Variants in ERMP1 observed in about 807,000 individuals in gnomAD.
ERMP1 encodes the protein endoplasmic reticulum metallopeptidase 1.
Under a neutral mutation model 92.0 loss-of-function variants are expected in ERMP1, and 86 were observed. The observed-to-expected ratio is 0.93, with a 90% CI of 0.79 to 1.12. The LOEUF is 1.12. ERMP1 is among the 50% of genes most tolerant of loss of function. The probability of loss-of-function intolerance (pLI) is 0.00; values close to 1 mark genes in which losing one functional copy is unlikely to be tolerated. For synonymous variants in ERMP1, 530 were observed against 412.8 expected, an observed-to-expected ratio of 1.28 and a Z score of -3.44; for missense variants, 1,342 against 1,116.3, an observed-to-expected ratio of 1.20 and a Z score of -2.88.
intron 13 of ERMP1, among the ~76,000 whole-genome samples, chr9:5,789,405 T>A (rs1332034419): frequency 6.6e-6 from 1 of 152,232 alleles, no homozygotes; most frequent in African/African-American, 2.4e-5. Context: ...AAAGATTTTA[T>A]GTCCACCAAC....
At chr9:5,853,342 C>T (rs765271003) in intron 6 of ERMP1, among the ~76,000 whole-genome samples, 77 of 152,182 alleles carry the variant, frequency 5.1e-4, no homozygotes, top group Non-Finnish European at 4.9e-4. Flanking sequence ...TAATCATATG[C>T]CAAGGTGGCA....
At chr9:5,829,045 A>G (rs920187955) in intron 2 of ERMP1, among the ~76,000 whole-genome samples, 11 of 152,076 alleles carry the variant, frequency 7.2e-5, no homozygotes, top group African/African-American at 2.7e-4. Context: ...GGAGTTCAAG[A>G]CCAGCCTGGC....
chr9:5,822,543 A>G (rs964825218), intron 4 of ERMP1, among the ~76,000 whole-genome samples: 11 of 152,340 alleles, frequency 7.2e-5, no homozygotes, highest in Admixed American at 2.6e-4. Context: ...TACTTAGCAT[A>G]GTTTCATAAT....
intron 13 of ERMP1, among the ~76,000 whole-genome samples, chr9:5,796,335 G>C (rs1209514532): frequency 6.6e-6 from 1 of 152,190 alleles, no homozygotes; most frequent in Non-Finnish European, 1.5e-5. Flanking sequence ...GTTGTGGTAT[G>C]GGCAAAAGAA....
intron 13 of ERMP1, among the ~76,000 whole-genome samples, chr9:5,793,415 T>C (rs943611757): frequency 1.3e-5 from 2 of 151,728 alleles, no homozygotes; most frequent in East Asian, 1.9e-4. Flanking sequence ...AAATAGAAAA[T>C]AGTTAACTAA....
At position 5,811,178 on chromosome 9, in the gene ERMP1, T is replaced by C; in HGVS notation, c.1260A>G (p.Ile420Met). ...IAYPSRIGSIINYMVVMGVVL... is the reference protein window; with the variant it reads ...IAYPSRIGSIMNYMVVMGVVL... ...CAACACCCATTACCACCATGTAGTTTATGATTGAGCCAATACGAGAGGGGT... is the reference window on the plus strand; with the variant it reads ...CAACACCCATTACCACCATGTAGTTCATGATTGAGCCAATACGAGAGGGGT... The change falls in exon 7 of 15, where the codon ATA becomes ATG. Residue 420 changes from isoleucine to methionine, a missense_variant. Ile to Met is a conservative substitution (Grantham distance 10, BLOSUM62 1). Coordinates refer to ENST00000339450, the MANE Select transcript of ERMP1 (RefSeq NM_024896.3). The C allele has an allele frequency of 6.2e-7, 1 of 1,614,044 alleles. No individual in the cohort carries two copies.
intron 3 of ERMP1, 125 bp downstream of exon 3, chr9:5,824,967 C>T: frequency 1.1e-6 from 1 of 874,658 alleles, no homozygotes; most frequent in Non-Finnish European, 1.8e-6. Flanking sequence ...TATTTTTCTG[C>T]ATATTATTTT....
chr9:5,832,593 T>C, intron 1 of ERMP1, 97 bp downstream of exon 1: 3 of 998,106 alleles, frequency 3.0e-6, no homozygotes, highest in Non-Finnish European at 4.1e-6. Flanking sequence ...GTCCCAGCGG[T>C]CCGGCAGGGG....
At chr9:5,860,275 G>A (rs1358779932) in intron 5 of ERMP1, among the ~76,000 whole-genome samples, 1 of 150,628 alleles carries the variant, frequency 6.6e-6, no homozygotes, top group Non-Finnish European at 1.5e-5. Context: ...ACTGTCTGCA[G>A]CCAGACCCTG....
At chr9:5,844,814 T>C (rs548198515) in intron 6 of ERMP1, among the ~76,000 whole-genome samples, 28 of 152,346 alleles carry the variant, frequency 1.8e-4, no homozygotes, top group African/African-American at 6.7e-4. Context: ...TCAAGTTTTC[T>C]GGTTGTGAAC....
In ERMP1 at chr9:5,805,642, C is replaced by CT. The variant is rs771121502; in HGVS notation, c.1691dup (p.Leu565AlafsTer5). 1.1e-4 allele frequency: 169 copies of CT among 1,607,850 alleles called. No individual in the cohort carries two copies. Among genetic ancestry groups the CT allele is most frequent in the Non-Finnish European group, 1.3e-4 (159 of 1,177,916 alleles). ...GCTTGAAGTCCTTATGCACACAGAG[C>CT]TTTGTGAGCAATGGGAATGCTACCC... On this transcript the variant is annotated frameshift_variant, in exon 9 of 15. Transcript: ENST00000339450. LOFTEE classifies it high-confidence loss of function.
intron 6 of ERMP1, among the ~76,000 whole-genome samples, chr9:5,851,532 C>T (rs1168500743): frequency 2.0e-5 from 3 of 152,180 alleles, no homozygotes; most frequent in East Asian, 1.9e-4. Context: ...AGGGAGGGTT[C>T]GTGATCATAT....
At chr9:5,854,119 C>G (rs1487893336) in intron 6 of ERMP1, among the ~76,000 whole-genome samples, 1 of 151,884 alleles carries the variant, frequency 6.6e-6, no homozygotes, top group Non-Finnish European at 1.5e-5. Flanking sequence ...GCTCCCCACT[C>G]TTTCTCCAGT....
chr9:5,853,851 C>G (rs942362618), intron 6 of ERMP1, among the ~76,000 whole-genome samples: 7 of 151,016 alleles, frequency 4.6e-5, no homozygotes, highest in African/African-American at 1.7e-4. Context: ...AGCCTTGCTT[C>G]TGGTCAGAGA....
chr9:5,800,110 A>G (rs922008390), intron 11 of ERMP1, among the ~76,000 whole-genome samples: 2 of 152,190 alleles, frequency 1.3e-5, no homozygotes, highest in African/African-American at 4.8e-5. Context: ...CCTTAAGGGT[A>G]TATGTTATCT....
chr9:5,823,872 T>C (rs1586815722), intron 4 of ERMP1, 24 bp downstream of exon 4: 1 of 1,478,146 alleles, frequency 6.8e-7, no homozygotes. Flanking sequence ...TGCATTAAAA[T>C]ATACAACGCA....
At chr9:5,828,486 T>G (rs1171870905) in intron 2 of ERMP1, among the ~76,000 whole-genome samples, 1 of 152,234 alleles carries the variant, frequency 6.6e-6, no homozygotes. Flanking sequence ...AAAAGGAATC[T>G]ATATAACACT....
intron 6 of ERMP1, among the ~76,000 whole-genome samples, chr9:5,840,458 C>G (rs946407219): frequency 3.3e-5 from 5 of 152,172 alleles, no homozygotes; most frequent in Non-Finnish European, 5.9e-5. Context: ...GCCAGATCAC[C>G]CCTCCTGCAG....
At chr9:5,850,405 CAAAAAAAAAAAA>C (rs59464514) in intron 6 of ERMP1, among the ~76,000 whole-genome samples, 3 of 40,596 alleles carry the variant, frequency 7.4e-5, no homozygotes, top group Middle Eastern at 0.029. Flanking sequence ...AACTCCGTCT[CAAAAAAAAAAAA>C]AAAAAAAAAA....
Sources: allele counts gnomAD v4.1 joint callset (sites outside exome capture counted in the v4.1 genomes callset), GRCh38; gene constraint gnomAD v4.1.1; transcripts MANE v1.5; gene names NCBI Gene and HGNC (gene_info 2026-07-23, HGNC 2026-07-21).